The following ZFP90 variants were observed in gnomAD, a reference collection of about 807,000 sequenced individuals.
ZFP90 encodes the protein ZFP90 zinc finger protein.
ZFP90 carries 38 observed loss-of-function variants against 60.8 expected under a neutral mutation model. The observed-to-expected ratio is 0.62, with a 90% CI of 0.48 to 0.82. The LOEUF is 0.82. Ranked by LOEUF, ZFP90 falls within the 40% of genes least tolerant of loss-of-function variation. ZFP90 has a pLI of 0.00. For synonymous variants in ZFP90, 287 were observed against 264.8 expected, an observed-to-expected ratio of 1.08 and a Z score of -0.82; for missense variants, 711 against 759.1, an observed-to-expected ratio of 0.94 and a Z score of 0.74.
Position 68,565,164 on chromosome 16 carries a change from A to G in ZFP90, c.*466A>G, listed in dbSNP as rs558398970. 29 of 992,798 alleles carry G rather than the reference A, an allele frequency of 2.9e-5. No homozygotes were observed. The South Asian group carries it at 1.2e-3, about 41-fold the overall frequency. The allele number at this position is 992,798 out of a possible 1,614,324, so 61.5% of individuals were successfully genotyped here. On this transcript the variant is annotated 3_prime_UTR_variant, in exon 5 of 5. Coordinates refer to ENST00000563169, the MANE Select transcript of ZFP90 (RefSeq NM_001305203.2). Reference sequence around the variant, plus strand: ...CCAGGAAGTCACCATTCAAAGAATTAGATCAACTAGCCCAACCACTTCATT... The same window carrying G: ...CCAGGAAGTCACCATTCAAAGAATTGGATCAACTAGCCCAACCACTTCATT...
chr16:68,567,165 C>A (rs1165924788), downstream of ZFP90: 2 of 985,378 alleles, frequency 2.0e-6, no homozygotes, highest in Non-Finnish European at 2.4e-6. Context: ...ATTTTCAGAA[C>A]TTGGCTAAGA....
At chr16:68,571,601 G>T (rs1334499287), downstream of ZFP90, among the ~76,000 whole-genome samples, 1 of 152,072 alleles carries the variant, frequency 6.6e-6, no homozygotes, top group African/African-American at 2.4e-5. Flanking sequence ...GAGCACTGAT[G>T]CTCCTCAGAG....
At chr16:68,572,373 A>G (rs2091573113) in intron 2 of ZFP90, among the ~76,000 whole-genome samples, 1 of 152,214 alleles carries the variant, frequency 6.6e-6, no homozygotes, top group African/African-American at 2.4e-5. Context: ...TTGCAATTCC[A>G]AAGTTAGAGT....
At chr16:68,551,423 T>A in intron 2 of ZFP90, among the ~76,000 whole-genome samples, 1 of 148,144 alleles carries the variant, frequency 6.8e-6, no homozygotes, top group East Asian at 2.3e-4. Context: ...TCCTTTTTTT[T>A]TTTTTTTTTT....
rs1327300355 is a variant in ZFP90 at position 68,566,935 on chromosome 16, C to T, written c.*2237C>T. The T allele has an allele frequency of 8.1e-6, 8 of 985,488 alleles. No homozygotes were observed. The highest frequency in any genetic ancestry group is 6.1e-5 in the Admixed American group (1 of 16,264). The allele number at this position is 985,488 out of a possible 1,614,324, so 61.0% of individuals were successfully genotyped here. A position where few individuals can be genotyped will look rare whatever the true frequency, so the allele number is the denominator to read the frequency against. On this transcript the variant is annotated 3_prime_UTR_variant, in exon 5 of 5. Coordinates refer to ENST00000563169, the MANE Select transcript of ZFP90 (RefSeq NM_001305203.2). ...GTTTGGTGCTTGGCCTAGATCCAGC[C>T]ACCACTCTGAAACTCAGCACATCTT...
rs528287136 is a variant in ZFP90 at position 68,542,590 on chromosome 16, C to CA, written c.33+2772dup. Reference sequence around the variant, plus strand: ...TGGGTGACAGAGTGAGACTCCATCTCAAAAAAACCAACCCCAAAAAACAAA... The same window carrying CA: ...TGGGTGACAGAGTGAGACTCCATCTCAAAAAAAACCAACCCCAAAAAACAAA... On this transcript the variant is annotated intron_variant, in intron 2 of 4. Transcript: ENST00000563169. Among the ~76,000 whole-genome samples the CA allele has an allele frequency of 3.6e-3, 547 of 151,844 alleles. 2 individuals carry two copies. Among genetic ancestry groups the CA allele is most frequent in the African/African-American group, 0.013 (530 of 41,390 alleles).
At position 68,564,965 on chromosome 16, in the gene ZFP90, T is replaced by C. The variant is rs777817240; in HGVS notation, c.*267T>C. The C allele has an allele frequency of 6.3e-5, 74 of 1,180,010 alleles. No individual in the cohort carries two copies. Among genetic ancestry groups the C allele is most frequent in the Non-Finnish European group, 7.7e-5 (73 of 954,110 alleles). The allele number at this position is 1,180,010 out of a possible 1,614,324, so 73.1% of individuals were successfully genotyped here. ...ATGTTGGACTTTGCTTTTGAATATATGTATGCAGGATATCATCAAGTTTCA... is the reference window on the plus strand; with the variant it reads ...ATGTTGGACTTTGCTTTTGAATATACGTATGCAGGATATCATCAAGTTTCA... On this transcript the variant is annotated 3_prime_UTR_variant, in exon 5 of 5. Transcript: ENST00000563169.
downstream of ZFP90, among the ~76,000 whole-genome samples, chr16:68,570,517 T>A (rs1273785527): frequency 6.6e-6 from 1 of 152,210 alleles, no homozygotes. Flanking sequence ...AAAGGGGTGG[T>A]AATTTTTGGA....
intron 2 of ZFP90, among the ~76,000 whole-genome samples, chr16:68,552,216 T>A (rs912938597): frequency 7.9e-5 from 12 of 152,226 alleles, no homozygotes; most frequent in Non-Finnish European, 1.5e-4. Flanking sequence ...TCAGAGTGAC[T>A]AACTTCCACC....
chr16:68,533,874 C>T (rs182391543), intron 2 of ZFP90: 1 of 152,114 alleles, frequency 6.6e-6, no homozygotes, highest in African/African-American at 2.4e-5. Flanking sequence ...TTTTTTCTCT[C>T]TAGGATTTTA....
At chr16:68,569,285 T>TAC (rs925702808), downstream of ZFP90, among the ~76,000 whole-genome samples, 1 of 152,000 alleles carries the variant, frequency 6.6e-6, no homozygotes, top group Non-Finnish European at 1.5e-5. Flanking sequence ...TACAGGCACG[T>TAC]ACCACCATGC....
chr16:68,550,870 A>G (rs1354791896), intron 2 of ZFP90, among the ~76,000 whole-genome samples: 1 of 152,176 alleles, frequency 6.6e-6, no homozygotes, highest in Non-Finnish European at 1.5e-5. Flanking sequence ...GGTGACTGCA[A>G]GGCATAAAGG....
At chr16:68,571,235 C>T (rs975083636), downstream of ZFP90, among the ~76,000 whole-genome samples, 2 of 152,170 alleles carry the variant, frequency 1.3e-5, no homozygotes, top group Non-Finnish European at 2.9e-5. Context: ...AAGAGTAATA[C>T]ATCAACTAGA....
chr16:68,564,948 C>T lies in ZFP90; in HGVS notation c.*250C>T. On this transcript the variant is annotated 3_prime_UTR_variant, in exon 5 of 5. Coordinates refer to ENST00000563169, the MANE Select transcript of ZFP90 (RefSeq NM_001305203.2). The stretch of plus-strand genomic sequence containing the variant: ...GGGGATGATATGCCTGTATGTTGGA[C>T]TTTGCTTTTGAATATATGTATGCAG... The T allele has an allele frequency of 1.6e-6, 2 of 1,229,896 alleles. No homozygotes were observed. The highest frequency in any genetic ancestry group is 2.0e-6 in the Non-Finnish European group (2 of 985,238). 76.2% of individuals were successfully genotyped at this position (1,229,896 alleles called of 1,614,324 possible). A position where few individuals can be genotyped will look rare whatever the true frequency, so the allele number is the denominator to read the frequency against.
intron 4 of ZFP90, among the ~76,000 whole-genome samples, chr16:68,560,906 G>A (rs942366321): frequency 6.8e-6 from 1 of 146,662 alleles, no homozygotes; most frequent in African/African-American, 2.5e-5. Flanking sequence ...TTCCGAGATG[G>A]AATCTCACTC....
chr16:68,569,426 C>G, downstream of ZFP90, among the ~76,000 whole-genome samples: 1 of 152,238 alleles, frequency 6.6e-6, no homozygotes, highest in South Asian at 2.1e-4. Flanking sequence ...TGAGCCAGTG[C>G]GCCCAGCTGA....
At chr16:68,558,851 C>T (rs779566729) in intron 4 of ZFP90, among the ~76,000 whole-genome samples, 21 of 152,090 alleles carry the variant, frequency 1.4e-4, no homozygotes, top group Non-Finnish European at 2.6e-4. Flanking sequence ...ATTGAACTCC[C>T]GTATCTCTTT....
At position 68,564,256 on chromosome 16, in the gene ZFP90, C is replaced by T; in HGVS notation, c.1469C>T (p.Ser490Phe). The T allele has an allele frequency of 6.2e-7, 1 of 1,613,908 alleles. No homozygotes were observed. Among genetic ancestry groups the T allele is most frequent in the Non-Finnish European group, 8.5e-7 (1 of 1,179,956 alleles). The stretch of plus-strand genomic sequence containing the variant: ...CAGGCTTTTAGTCAGCAAGCTATTT[C>T]TCATCCTGGAGAGAAACCCTATCAA... ...CEQAFSQQAI[S>F]HPGEKPYQCN... Residue 490 changes from serine (S) to phenylalanine (F), a missense_variant, in exon 5 of 5, where the codon TCT (serine) becomes TTT (phenylalanine). By Grantham distance (155) the Ser-to-Phe change is radical. Coordinates refer to ENST00000563169, the MANE Select transcript of ZFP90 (RefSeq NM_001305203.2).
upstream of ZFP90, among the ~76,000 whole-genome samples, chr16:68,538,143 C>A (rs1385246032): frequency 6.6e-6 from 1 of 151,890 alleles, no homozygotes; most frequent in Admixed American, 6.6e-5. Context: ...AACTCCTGAC[C>A]TCAGGTGATC....
Sources: allele counts gnomAD v4.1 joint callset (sites outside exome capture counted in the v4.1 genomes callset), GRCh38; gene constraint gnomAD v4.1.1; transcripts MANE v1.5; gene names NCBI Gene and HGNC (gene_info 2026-07-23, HGNC 2026-07-21).